SPIDR: variants seen among roughly 807,000 people sequenced by gnomAD.
SPIDR encodes the protein DNA repair-scaffolding protein.
Under a neutral mutation model 104.6 loss-of-function variants are expected in SPIDR, and 93 were observed. That is an observed-to-expected ratio of 0.89 (90% CI 0.75 to 1.06). The LOEUF (loss-of-function observed/expected upper bound fraction) is 1.06, where lower values mean the gene tolerates loss of function less well. Ranked by LOEUF, SPIDR falls within the 50% of genes least tolerant of loss-of-function variation. The pLI, the probability that SPIDR is intolerant of heterozygous loss-of-function variation, is 0.00. For synonymous variants in SPIDR, 431 were observed against 416.9 expected (o/e 1.03, Z -0.41); for missense variants, 1,154 against 1,111.2 (o/e 1.04, Z -0.55).
At chr8:47,324,446 C>T (rs1387910284) in intron 5 of SPIDR, among the ~76,000 whole-genome samples, 2 of 152,130 alleles carry the variant, frequency 1.3e-5, no homozygotes, top group Non-Finnish European at 2.9e-5. Flanking sequence ...AACCCTGCTG[C>T]TCCCATACTC....
chr8:47,700,116 T>G (rs543465148), intron 11 of SPIDR, among the ~76,000 whole-genome samples: 39 of 152,304 alleles, frequency 2.6e-4, no homozygotes, highest in Non-Finnish European at 3.8e-4. Context: ...ACAAACATGT[T>G]TCCATGTCCA....
rs782601794 is a variant in SPIDR at position 47,396,542 on chromosome 8, CAG to C, written c.696_697del (p.Glu232AspfsTer12). ...CTGATAGATCCAAGGACAAAATCAA[CAG>C]AGACCATTTTGCATACACCTCAGAA... On this transcript the variant is annotated frameshift_variant, in exon 6 of 20. Coordinates refer to ENST00000297423, the MANE Select transcript of SPIDR (RefSeq NM_001080394.4). LOFTEE classifies it high-confidence loss of function. 7 of 1,614,066 alleles carry C rather than the reference CAG, an allele frequency of 4.3e-6. No individual in the cohort carries two copies. The South Asian group carries it at 7.7e-5, about 18-fold the overall frequency.
intron 10 of SPIDR, among the ~76,000 whole-genome samples, chr8:47,639,863 G>A (rs901080394): frequency 9.9e-5 from 15 of 151,854 alleles, no homozygotes; most frequent in Admixed American, 8.5e-4. Context: ...CAGGAGAATC[G>A]CTTGAACCCG....
intron 6 of SPIDR, among the ~76,000 whole-genome samples, chr8:47,405,560 T>C (rs964462690): frequency 6.6e-6 from 1 of 152,218 alleles, no homozygotes; most frequent in Admixed American, 6.5e-5. Context: ...ATTGTTTTTA[T>C]AGAAATGTTT....
chr8:47,588,869 G>T (rs2060620943), intron 8 of SPIDR, among the ~76,000 whole-genome samples: 1 of 152,072 alleles, frequency 6.6e-6, no homozygotes, highest in African/African-American at 2.4e-5. Context: ...TGGTGAAGGT[G>T]ATTTTCAAAT....
intron 19 of SPIDR, among the ~76,000 whole-genome samples, chr8:47,734,008 G>A (rs901045112): frequency 6.6e-5 from 10 of 152,284 alleles, no homozygotes; most frequent in African/African-American, 1.9e-4. Context: ...CGTCAGTAGC[G>A]TTCACATCCC....
chr8:47,511,657 T>C (rs1410809003), intron 8 of SPIDR: 3 of 815,830 alleles, frequency 3.7e-6, no homozygotes, highest in Admixed American at 3.4e-5. Context: ...AGCAGACTCT[T>C]CCTCTGGTGC....
intron 8 of SPIDR, among the ~76,000 whole-genome samples, chr8:47,468,757 C>T (rs543214894): frequency 6.6e-5 from 10 of 152,212 alleles, no homozygotes; most frequent in East Asian, 3.9e-4. Context: ...CAGGCAGTAC[C>T]GCTCTGGACA....
chr8:47,490,086 T>G (rs1464333253), intron 8 of SPIDR, among the ~76,000 whole-genome samples: 2 of 152,212 alleles, frequency 1.3e-5, no homozygotes, highest in Admixed American at 1.3e-4. Context: ...TGGGAGAACA[T>G]TTTTGCAATC....
intron 8 of SPIDR, among the ~76,000 whole-genome samples, chr8:47,472,632 T>A (rs985488127): frequency 1.3e-5 from 2 of 152,226 alleles, no homozygotes; most frequent in Non-Finnish European, 2.9e-5. Context: ...GAGAGGATAC[T>A]GTACTTTTTC....
intron 7 of SPIDR, among the ~76,000 whole-genome samples, chr8:47,429,125 C>A (rs1554687243): frequency 6.6e-6 from 1 of 152,164 alleles, no homozygotes; most frequent in Non-Finnish European, 1.5e-5. Context: ...CAGAAAATAT[C>A]ATAATTTCCA....
At position 47,373,210 on chromosome 8, in the gene SPIDR, T is replaced by A. The variant is rs529291194; in HGVS notation, c.526-23166T>A. Among the ~76,000 whole-genome samples the A allele has an allele frequency of 7.9e-5, 12 of 152,276 alleles. No homozygotes were observed. The South Asian group carries it at 1.2e-3, about 16-fold the overall frequency. The stretch of plus-strand genomic sequence containing the variant: ...ATTTCCTAATTGAAAAGCATAAATT[T>A]AAAAAAATCACATTTGTTAAAAATT... On this transcript the variant is annotated intron_variant, in intron 5 of 19. Transcript: ENST00000297423.
intron 7 of SPIDR, among the ~76,000 whole-genome samples, chr8:47,416,656 A>G (rs1554675589): frequency 6.6e-6 from 1 of 152,166 alleles, no homozygotes; most frequent in African/African-American, 2.4e-5. Context: ...GTTTTAGGGT[A>G]CATGTGCACA....
chr8:47,625,235 C>T (rs1452291880), intron 10 of SPIDR, among the ~76,000 whole-genome samples: 1 of 152,092 alleles, frequency 6.6e-6, no homozygotes, highest in African/African-American at 2.4e-5. Flanking sequence ...TGAGACGTAC[C>T]TCAAAATAAT....
chr8:47,497,963 G>A lies in SPIDR; in HGVS notation c.1097+57421G>A, dbSNP rs181310760. ...TTGTGGCAGTTACATACAGTGCTTC[G>A]TTGCTGAAAGAAGGCATGCATTTGC... is the stretch of plus-strand genomic sequence containing the variant. On this transcript the variant is annotated intron_variant, in intron 8 of 19. Coordinates refer to ENST00000297423, the MANE Select transcript of SPIDR (RefSeq NM_001080394.4). Among the ~76,000 whole-genome samples the A allele has an allele frequency of 3.3e-5, 5 of 152,246 alleles. No homozygotes were observed. In the East Asian group the frequency reaches 7.7e-4, roughly 24 times the overall value.
At chr8:47,706,236 C>CA (rs1259058336) in intron 14 of SPIDR, among the ~76,000 whole-genome samples, 1 of 151,904 alleles carries the variant, frequency 6.6e-6, no homozygotes, top group African/African-American at 2.4e-5. Context: ...ACTAAAAATA[C>CA]AAAAAAATTA....
chr8:47,508,526 A>G (rs1346466529), intron 8 of SPIDR, among the ~76,000 whole-genome samples: 1 of 152,236 alleles, frequency 6.6e-6, no homozygotes, highest in Non-Finnish European at 1.5e-5. Flanking sequence ...AATCTTTGAC[A>G]GTGGCATTAA....
At chr8:47,517,398 C>T (rs1477994267) in intron 8 of SPIDR, among the ~76,000 whole-genome samples, 1 of 152,188 alleles carries the variant, frequency 6.6e-6, no homozygotes, top group African/African-American at 2.4e-5. Context: ...ATCCTTTATA[C>T]TCTAATACCA....
At chr8:47,485,006 C>A (rs1198059416) in intron 8 of SPIDR, among the ~76,000 whole-genome samples, 1 of 152,100 alleles carries the variant, frequency 6.6e-6, no homozygotes, top group Admixed American at 6.5e-5. Context: ...GGGTACAGGA[C>A]AGTGGGTGCA....
Sources: gnomAD v4.1 joint callset for allele counts (sites outside exome capture counted in the v4.1 genomes callset) on GRCh38, gnomAD v4.1.1 for gene constraint, MANE v1.5 for transcripts, NCBI Gene and HGNC (gene_info 2026-07-23, HGNC 2026-07-21) for gene names.